NEMF: variants seen among roughly 807,000 people sequenced by gnomAD.
NEMF encodes the protein nuclear export mediator factor.
Under a neutral mutation model 162.2 loss-of-function variants are expected in NEMF, and 89 were observed. That is an observed-to-expected ratio of 0.55 (90% CI 0.46 to 0.65). The LOEUF (loss-of-function observed/expected upper bound fraction) is 0.65. Among genes scored for constraint, NEMF ranks in the 30% least tolerant of loss-of-function variants. NEMF has a pLI of 0.00. For synonymous variants in NEMF, 421 were observed against 404.5 expected, an observed-to-expected ratio of 1.04 and a Z score of -0.49; for missense variants, 1,133 against 1,261.9, an observed-to-expected ratio of 0.90 and a Z score of 1.55.
intron 4 of NEMF, among the ~76,000 whole-genome samples, chr14:49,841,124 G>A (rs182865283): frequency 1.3e-5 from 2 of 151,090 alleles, no homozygotes; most frequent in East Asian, 1.9e-4. Context: ...TTGAATCTGG[G>A]GGGTGGAGAC....
chr14:49,816,330 C>T (rs958861071), intron 16 of NEMF, among the ~76,000 whole-genome samples: 2 of 152,058 alleles, frequency 1.3e-5, no homozygotes, highest in African/African-American at 4.8e-5. Context: ...TTGCTTTTGC[C>T]CTTTGCCTTG....
chr14:49,850,633 T>C (rs755016255), intron 3 of NEMF, among the ~76,000 whole-genome samples: 8 of 151,786 alleles, frequency 5.3e-5, no homozygotes, highest in Non-Finnish European at 8.8e-5. Flanking sequence ...TGCCCACCCA[T>C]GTAAAAATCT....
Position 49,828,650 on chromosome 14 carries a change from C to A in NEMF, c.1390G>T (p.Asp464Tyr). The change falls in exon 14 of 33, where the codon GAT becomes TAT. Residue 464 changes from aspartate to tyrosine, a missense_variant. Asp to Tyr is a radical substitution (Grantham distance 160). Around this residue, in one of 3 missense-constraint regions of NEMF, gnomAD observed 582 missense variants for 631.5 expected, o/e 0.92. Transcript: ENST00000298310. ...QKNKPLLVDV[D>Y]LSLSAYANAK... Reference sequence around the variant, plus strand: ...TTGGCATATGCTGACAAGCTGAGATCAACATCTACAAGTAAGGGCTTATTT... The same window carrying A: ...TTGGCATATGCTGACAAGCTGAGATAAACATCTACAAGTAAGGGCTTATTT... 6.3e-7 allele frequency: 1 copy of A among 1,585,580 alleles called. No individual in the cohort carries two copies. The highest frequency in any genetic ancestry group is 8.5e-7 in the Non-Finnish European group (1 of 1,172,722).
chr14:49,833,870 G>A (rs1296049565), intron 7 of NEMF, among the ~76,000 whole-genome samples: 1 of 152,104 alleles, frequency 6.6e-6, no homozygotes, highest in Non-Finnish European at 1.5e-5. Context: ...TACACAGACA[G>A]TAATAAATCA....
chr14:49,828,585 T>G (rs755084618), intron 14 of NEMF, 31 bp downstream of exon 14: 2 of 1,480,126 alleles, frequency 1.4e-6, no homozygotes, highest in African/African-American at 2.8e-5. Flanking sequence ...CAGATAACAC[T>G]TGGCCTAAAA....
intron 18 of NEMF, among the ~76,000 whole-genome samples, chr14:49,813,340 C>T (rs894217604): frequency 6.6e-6 from 1 of 152,096 alleles, no homozygotes; most frequent in Admixed American, 6.5e-5. Flanking sequence ...ACACTCTGGT[C>T]CCAAGCATTT....
intron 13 of NEMF, 35 bp downstream of exon 13, chr14:49,829,019 C>T: frequency 1.3e-6 from 2 of 1,547,316 alleles, no homozygotes; most frequent in Non-Finnish European, 1.8e-6. Context: ...AAAATAAAGA[C>T]AAGCATTAAC....
intron 16 of NEMF, among the ~76,000 whole-genome samples, chr14:49,819,793 T>C (rs1488925695): frequency 6.6e-6 from 1 of 152,166 alleles, no homozygotes; most frequent in Non-Finnish European, 1.5e-5. Context: ...CAATTGCATG[T>C]ACCCAAAATC....
chr14:49,793,800 C>T (rs1004835274), intron 26 of NEMF, among the ~76,000 whole-genome samples: 31 of 152,122 alleles, frequency 2.0e-4, no homozygotes, highest in African/African-American at 6.3e-4. Context: ...ACTGTTAAGA[C>T]TTTTGACTGG....
chr14:49,804,612 G>A (rs945314506), intron 19 of NEMF, among the ~76,000 whole-genome samples: 2 of 151,634 alleles, frequency 1.3e-5, no homozygotes, highest in Non-Finnish European at 2.9e-5. Flanking sequence ...GTTGCAGTGA[G>A]CCGAGATCAC....
At chr14:49,815,728 G>T (rs554090108) in intron 16 of NEMF, among the ~76,000 whole-genome samples, 77 of 152,226 alleles carry the variant, frequency 5.1e-4, no homozygotes, top group African/African-American at 1.6e-3. Flanking sequence ...ACTTCGAGAG[G>T]CCAAGGTGGG....
chr14:49,816,878 G>A (rs189305064), intron 16 of NEMF, among the ~76,000 whole-genome samples: 162 of 152,292 alleles, frequency 1.1e-3, no homozygotes, highest in African/African-American at 3.7e-3. Flanking sequence ...AATCATCCTA[G>A]TAAGGGAATG....
intron 15 of NEMF, among the ~76,000 whole-genome samples, chr14:49,827,640 C>A (rs1892424217): frequency 6.6e-6 from 1 of 152,080 alleles, no homozygotes; most frequent in Non-Finnish European, 1.5e-5. Flanking sequence ...TGGTGAAACC[C>A]TGTCTCTACT....
At chr14:49,845,845 T>C (rs1198847971) in intron 4 of NEMF, 2 of 447,394 alleles carry the variant, frequency 4.5e-6, no homozygotes, top group Non-Finnish European at 7.9e-6. Context: ...TTGACTATTT[T>C]CTGGTTGCAT....
intron 16 of NEMF, chr14:49,820,422 T>C: frequency 2.2e-6 from 1 of 456,732 alleles, no homozygotes; most frequent in South Asian, 1.5e-5. Context: ...ACTGCATGAC[T>C]TCGCTGAAGT....
intron 3 of NEMF, chr14:49,849,804 G>A (rs937589940): frequency 2.0e-5 from 3 of 152,078 alleles, no homozygotes; most frequent in African/African-American, 7.2e-5. Context: ...TACACAACAG[G>A]TAGCATTATT....
At position 49,794,051 on chromosome 14, in the gene NEMF, ATTATT is replaced by A. The variant is rs572572565; in HGVS notation, c.2619+1735_2619+1739del. ...CATATCTTCTCAAATGATCTACAATATTATTTTATCACGTACTAAAATGCTAAATA... is the reference window on the plus strand; with the variant it reads ...CATATCTTCTCAAATGATCTACAATATTATCACGTACTAAAATGCTAAATA... On this transcript the variant is annotated intron_variant, in intron 26 of 32. Coordinates refer to ENST00000298310, the MANE Select transcript of NEMF (RefSeq NM_004713.6). Among the ~76,000 whole-genome samples, 16 of 152,266 alleles carry A rather than the reference ATTATT, an allele frequency of 1.1e-4. No individual in the cohort carries two copies. In the East Asian group the frequency reaches 3.1e-3, roughly 29 times the overall value.
intron 16 of NEMF, among the ~76,000 whole-genome samples, chr14:49,816,636 TAGAA>T (rs1363631822): frequency 6.6e-6 from 1 of 152,178 alleles, no homozygotes; most frequent in Non-Finnish European, 1.5e-5. Flanking sequence ...TTAAGGAAAA[TAGAA>T]AGAACCTATG....
At chr14:49,796,142 A>T in intron 25 of NEMF, 198 bp from the exon 26 acceptor site, 1 of 610,250 alleles carries the variant, frequency 1.6e-6, no homozygotes, top group Non-Finnish European at 3.0e-6. Context: ...TTCATCTCTC[A>T]TGGATTTATC....
Sources: allele counts gnomAD v4.1 joint callset (sites outside exome capture counted in the v4.1 genomes callset), GRCh38; gene constraint gnomAD v4.1.1; regional missense constraint gnomAD v4.1.1; transcripts MANE v1.5; gene names NCBI Gene and HGNC (gene_info 2026-07-23, HGNC 2026-07-21).